Variants in PCSK4 observed in about 807,000 individuals in gnomAD.
The protein encoded by PCSK4 is testicular tissue protein Li 135.
Under a neutral mutation model 80.3 loss-of-function variants are expected in PCSK4, and 64 were observed. The ratio of observed to expected loss-of-function variants is 0.80; its 90% CI spans 0.65 to 0.98. The LOEUF (loss-of-function observed/expected upper bound fraction) is 0.98. Among genes scored for constraint, PCSK4 ranks in the 50% least tolerant of loss-of-function variants. The pLI, the probability that PCSK4 is intolerant of heterozygous loss-of-function variation, is 0.00. For missense variants in PCSK4, 1,213 were observed against 1,093.6 expected (o/e 1.11, Z -1.54); for synonymous variants, 561 against 487.6 (o/e 1.15, Z -1.98).
chr19:1,484,994 A>C (rs111498963), intron 8 of PCSK4, among the ~76,000 whole-genome samples: 2,745 of 151,818 alleles, frequency 0.018, 40 homozygotes, highest in East Asian at 0.05. Flanking sequence ...GGAAAAATAC[A>C]AGAATTAGCT....
At chr19:1,481,752 G>A in exon 15 of PCSK4, 1 of 1,503,508 alleles carries the variant, frequency 6.7e-7, no homozygotes, top group Non-Finnish European at 8.9e-7. Context: ...TTTCTGAGCT[G>A]ACAACTTCAG....
exon 2 of PCSK4, chr19:1,489,861 G>C: frequency 1.2e-6 from 2 of 1,610,048 alleles, no homozygotes; most frequent in East Asian, 2.2e-5. Flanking sequence ...ACCACGCCCC[G>C]GTGCCGCAGG....
Position 1,483,540 on chromosome 19 carries a change from C to A in PCSK4, c.1392-77G>T, listed in dbSNP as rs530797855. 3.5e-4 allele frequency: 497 copies of A among 1,424,732 alleles called. 3 individuals carry two copies. The African/African-American group carries it at 6.4e-3, about 18-fold the overall frequency. 88.3% of individuals were successfully genotyped at this position (1,424,732 alleles called of 1,614,324 possible). ...GGGCGGCCAGCAGGCGAGGTCGGGG[C>A]TCAGAGGTCACGGGGTCCAGCCCTC... On this transcript the variant is annotated intron_variant, in intron 11 of 14. Coordinates refer to ENST00000300954, the Ensembl canonical transcript of PCSK4.
exon 12 of PCSK4, chr19:1,483,382 G>A (rs758258781): frequency 1.8e-5 from 29 of 1,606,578 alleles, no homozygotes; most frequent in Non-Finnish European, 2.3e-5. Context: ...GCGCCTGCAC[G>A]TGCTCCAGCG....
At chr19:1,488,323 CT>C (rs1568223144) in intron 2 of PCSK4, 43 bp from the exon 3 acceptor site, 1 of 1,521,726 alleles carries the variant, frequency 6.6e-7, no homozygotes. Context: ...CTGCTCGCCC[CT>C]GGGGCCCCTC....
exon 8 of PCSK4, chr19:1,487,039 G>A (rs2145401323): frequency 6.2e-7 from 1 of 1,607,444 alleles, no homozygotes; most frequent in South Asian, 1.1e-5. Context: ...AGGCCCAGAT[G>A]AAGAGCGTGC....
Position 1,482,878 on chromosome 19 carries a change from GC to G in PCSK4, c.1696+17del. The stretch of plus-strand genomic sequence containing the variant: ...GGAGAGCCAAGCCCCGCCCACCACA[GC>G]CCCGCCCCGCCCTCACCCGTGTTGA... On this transcript the variant is annotated intron_variant, in intron 13 of 14. Transcript: ENST00000300954. 1 of 1,457,900 alleles carries G rather than the reference GC, an allele frequency of 6.9e-7. No individual in the cohort carries two copies. Among genetic ancestry groups the G allele is most frequent in the Non-Finnish European group, 9.6e-7 (1 of 1,046,352 alleles). The allele number at this position is 1,457,900 out of a possible 1,614,324, so 90.3% of individuals were successfully genotyped here.
chr19:1,483,934 G>A, exon 10 of PCSK4: 1 of 1,456,400 alleles, frequency 6.9e-7, no homozygotes, highest in South Asian at 1.3e-5. Context: ...CTCCACGTCA[G>A]GAACGGGCTG....
At chr19:1,487,980 T>C (rs1180707273) in exon 4 of PCSK4, 1 of 1,612,584 alleles carries the variant, frequency 6.2e-7, no homozygotes, top group Non-Finnish European at 8.5e-7. Flanking sequence ...GGCCCAGAGG[T>C]CCGGGTGGTC....
chr19:1,487,196 G>GT lies in PCSK4; in HGVS notation c.799dup (p.Thr267AsnfsTer265). 1 of 1,608,026 alleles carries GT rather than the reference G, an allele frequency of 6.2e-7. No homozygotes were observed. Among genetic ancestry groups the GT allele is most frequent in the Non-Finnish European group, 8.5e-7 (1 of 1,179,368 alleles). ...GGTGAGGATGCCGGGGCCGTCCACC[G>GT]TGCGGCCGTCGTCCTCGGGACCCCA... On this transcript the variant is annotated frameshift_variant, in exon 7 of 15. Transcript: ENST00000300954. LOFTEE classifies it high-confidence loss of function.
At chr19:1,486,648 G>A (rs919983519) in intron 8 of PCSK4, among the ~76,000 whole-genome samples, 4 of 151,782 alleles carry the variant, frequency 2.6e-5, no homozygotes, top group South Asian at 2.1e-4. Context: ...TAGCCAGGAT[G>A]GTCTTGATCT....
intron 8 of PCSK4, among the ~76,000 whole-genome samples, chr19:1,485,009 G>A (rs2084531200): frequency 6.6e-6 from 1 of 150,750 alleles, no homozygotes; most frequent in African/African-American, 2.4e-5. Flanking sequence ...TTAGCTGGGT[G>A]TGGTAGTGTG....
At chr19:1,481,882 CAGG>C in exon 15 of PCSK4, 1 of 1,591,844 alleles carries the variant, frequency 6.3e-7, no homozygotes, top group Non-Finnish European at 8.6e-7. Flanking sequence ...GGGTCACGGC[CAGG>C]AGGCTCAGCA....
chr19:1,487,086 G>A (rs374976576), intron 7 of PCSK4, 21 bp from the exon 8 acceptor site: 15 of 1,602,338 alleles, frequency 9.4e-6, no homozygotes, highest in Non-Finnish European at 1.3e-5. Flanking sequence ...AGGAGGGGCG[G>A]GGAGGGGGCG....
chr19:1,489,082 G>A (rs1007840574), intron 2 of PCSK4, among the ~76,000 whole-genome samples: 1 of 150,970 alleles, frequency 6.6e-6, no homozygotes, highest in African/African-American at 2.4e-5. Context: ...CTTTCTGAGC[G>A]CCTGGACACT....
rs185024714 is a variant in PCSK4, at chr19:1,484,601, G to A, written c.1069-474C>T. Among the ~76,000 whole-genome samples, 21 of 149,780 alleles carry A rather than the reference G, an allele frequency of 1.4e-4. No homozygotes were observed. In the East Asian group the frequency reaches 4.0e-3, roughly 28 times the overall value. On this transcript the variant is annotated intron_variant, in intron 8 of 14. Coordinates refer to ENST00000300954, the Ensembl canonical transcript of PCSK4. ...GGGAGGCCGAGGTGGGTGGATCACC[G>A]GAGGTCAGGAGTTCGAGACCAGCCT...
In PCSK4 at chr19:1,489,953, C is replaced by CCCGAGGG. The variant is rs2084854706; in HGVS notation, c.190-63_190-57dup. On this transcript the variant is annotated intron_variant, in intron 1 of 14. Coordinates refer to ENST00000300954, the Ensembl canonical transcript of PCSK4. Reference sequence around the variant, plus strand: ...GGGACCCGGCTCCCCTGCTGAAGCCCCCGAGGGCCGGTAACAGCCCCCTTC... The same window carrying CCCGAGGG: ...GGGACCCGGCTCCCCTGCTGAAGCCCCCGAGGGCCGAGGGCCGGTAACAGCCCCCTTC... The CCCGAGGG allele has an allele frequency of 8.3e-5, 129 of 1,553,870 alleles. 2 individuals carry two copies. In the South Asian group the frequency reaches 1.5e-3, roughly 18 times the overall value.
Position 1,484,023 on chromosome 19 carries a change from C to G in PCSK4, c.1169+4G>C. ...GCGGTGGACCGGGCCCCGCAGTCAC[C>G]TACTTGGCCTCCAGCGCTAGGGCGA... On this transcript the variant is annotated splice_donor_region_variant and intron_variant, in intron 9 of 14. Transcript: ENST00000300954. 6.5e-7 allele frequency: 1 copy of G among 1,539,062 alleles called. No individual in the cohort carries two copies.
exon 5 of PCSK4, chr19:1,487,817 G>C: frequency 6.3e-7 from 1 of 1,578,170 alleles, no homozygotes; most frequent in South Asian, 1.2e-5. Context: ...AGCGGGGCTG[G>C]GGGTCCGGGT....
Sources: gnomAD v4.1 joint callset for allele counts (sites outside exome capture counted in the v4.1 genomes callset) on GRCh38, gnomAD v4.1.1 for gene constraint, MANE v1.5 for transcripts, NCBI Gene and HGNC (gene_info 2026-07-23, HGNC 2026-07-21) for gene names.